Variants in MACROD2 observed in about 807,000 individuals in gnomAD.
MACROD2 encodes the protein mono-ADP ribosylhydrolase 2, also known as ADP-ribose glycohydrolase MACROD2.
In MACROD2, 36 loss-of-function variants were observed where a neutral mutation model predicts 70.4. That is an observed-to-expected ratio of 0.51 (90% CI 0.39 to 0.68). The LOEUF (loss-of-function observed/expected upper bound fraction) is 0.68, where lower values mean the gene tolerates loss of function less well. Among genes scored for constraint, MACROD2 ranks in the 30% least tolerant of loss-of-function variants. The probability of loss-of-function intolerance (pLI) is 0.00; values close to 1 mark genes in which losing one functional copy is unlikely to be tolerated. For missense variants in MACROD2, 496 were observed against 538.4 expected, an observed-to-expected ratio of 0.92 and a Z score of 0.78; for synonymous variants, 172 against 178.8, an observed-to-expected ratio of 0.96 and a Z score of 0.30.
chr20:14,716,958 T>G (rs769990241), intron 5 of MACROD2, among the ~76,000 whole-genome samples: 1 of 152,200 alleles, frequency 6.6e-6, no homozygotes, highest in African/African-American at 2.4e-5. Context: ...CAATATGTCC[T>G]TAAATTATGT....
intron 3 of MACROD2, among the ~76,000 whole-genome samples, chr20:14,391,335 C>T (rs1448448518): frequency 6.6e-6 from 1 of 152,084 alleles, no homozygotes; most frequent in African/African-American, 2.4e-5. Context: ...ATGGATGGAG[C>T]CGGAGGCCAT....
intron 3 of MACROD2, among the ~76,000 whole-genome samples, chr20:14,203,769 G>T (rs2081499928): frequency 6.6e-6 from 1 of 152,182 alleles, no homozygotes; most frequent in South Asian, 2.1e-4. Context: ...GGCACCCATG[G>T]TGGCAGTCTG....
intron 8 of MACROD2, among the ~76,000 whole-genome samples, chr20:15,593,755 TC>T (rs1197695415): frequency 1.3e-5 from 2 of 152,220 alleles, no homozygotes; most frequent in African/African-American, 4.8e-5. Context: ...TTCATTTTTT[TC>T]TGAGAGCAGA....
chr20:15,453,800 C>T (rs759996134), intron 7 of MACROD2, among the ~76,000 whole-genome samples: 2 of 152,152 alleles, frequency 1.3e-5, no homozygotes, highest in Non-Finnish European at 2.9e-5. Flanking sequence ...CCAAAGCCTA[C>T]CCAGCAAGTG....
chr20:14,918,773 C>T (rs1321668170), intron 5 of MACROD2, among the ~76,000 whole-genome samples: 1 of 152,106 alleles, frequency 6.6e-6, no homozygotes, highest in Non-Finnish European at 1.5e-5. Context: ...AGATTTAGAT[C>T]ATGTTTCCAA....
chr20:15,841,253 T>C (rs1355918454), intron 8 of MACROD2, among the ~76,000 whole-genome samples: 1 of 152,120 alleles, frequency 6.6e-6, no homozygotes, highest in Non-Finnish European at 1.5e-5. Flanking sequence ...TACAAGCGTA[T>C]TTTATTACAT....
intron 8 of MACROD2, among the ~76,000 whole-genome samples, chr20:15,658,518 G>A (rs980386753): frequency 3.9e-5 from 6 of 152,078 alleles, no homozygotes; most frequent in African/African-American, 1.4e-4. Flanking sequence ...TATGATTGGC[G>A]GTAAGAGAGA....
At chr20:14,143,839 C>G (rs983023791) in intron 3 of MACROD2, among the ~76,000 whole-genome samples, 1 of 152,094 alleles carries the variant, frequency 6.6e-6, no homozygotes, top group Non-Finnish European at 1.5e-5. Flanking sequence ...GATAATTAGA[C>G]AAGACTTATG....
chr20:15,651,235 C>A (rs984178126), intron 8 of MACROD2, among the ~76,000 whole-genome samples: 1 of 152,164 alleles, frequency 6.6e-6, no homozygotes, highest in Non-Finnish European at 1.5e-5. Flanking sequence ...AACACAAATC[C>A]AATTTAATTC....
At chr20:15,847,876 T>C (rs2064251397) in intron 8 of MACROD2, among the ~76,000 whole-genome samples, 1 of 132,212 alleles carries the variant, frequency 7.6e-6, no homozygotes, top group Non-Finnish European at 1.8e-5. Flanking sequence ...ATTGTTTTAA[T>C]TGTTCATTTT....
chr20:15,414,896 A>C (rs1169870570), intron 6 of MACROD2, among the ~76,000 whole-genome samples: 1 of 152,208 alleles, frequency 6.6e-6, no homozygotes, highest in Non-Finnish European at 1.5e-5. Context: ...AGAGAAACGG[A>C]ATCAGAATTT....
At chr20:15,116,897 G>T (rs150316056) in intron 5 of MACROD2, among the ~76,000 whole-genome samples, 53 of 152,276 alleles carry the variant, frequency 3.5e-4, no homozygotes, top group African/African-American at 1.1e-3. Flanking sequence ...CCCCTGTGTT[G>T]TTCAAGGGTC....
At chr20:14,743,638 T>C (rs1286121822) in intron 5 of MACROD2, among the ~76,000 whole-genome samples, 1 of 152,180 alleles carries the variant, frequency 6.6e-6, no homozygotes, top group African/African-American at 2.4e-5. Flanking sequence ...TTGTGTAGTT[T>C]AAGCCACTAA....
intron 8 of MACROD2, among the ~76,000 whole-genome samples, chr20:15,765,039 C>G (rs2051500094): frequency 6.6e-6 from 1 of 152,066 alleles, no homozygotes; most frequent in Admixed American, 6.6e-5. Context: ...TCTTTGCTGC[C>G]TTGCTCTCTC....
At chr20:15,130,631 G>A (rs1266773533) in intron 5 of MACROD2, among the ~76,000 whole-genome samples, 1 of 151,988 alleles carries the variant, frequency 6.6e-6, no homozygotes, top group Non-Finnish European at 1.5e-5. Flanking sequence ...ACCAAAAACA[G>A]TCAAAGCTAA....
chr20:15,610,991 C>T (rs78464266), intron 8 of MACROD2, among the ~76,000 whole-genome samples: 182 of 59,938 alleles, frequency 3.0e-3, no homozygotes, highest in African/African-American at 3.3e-3. Context: ...AGCCAAAAAT[C>T]TTTTTTTTTT....
intron 6 of MACROD2, among the ~76,000 whole-genome samples, chr20:15,235,126 C>G (rs2077002444): frequency 6.6e-6 from 1 of 151,876 alleles, no homozygotes; most frequent in African/African-American, 2.4e-5. Flanking sequence ...TACAATGCAC[C>G]CTGTCTGACA....
At chr20:15,780,874 T>C (rs1467493878) in intron 8 of MACROD2, among the ~76,000 whole-genome samples, 1 of 152,078 alleles carries the variant, frequency 6.6e-6, no homozygotes, top group Non-Finnish European at 1.5e-5. Context: ...GTTTCTGCTC[T>C]GAGTGTGTGG....
chr20:15,692,650 C>A (rs931934659), intron 8 of MACROD2, among the ~76,000 whole-genome samples: 1 of 152,118 alleles, frequency 6.6e-6, no homozygotes, highest in African/African-American at 2.4e-5. Context: ...ACCCACTTGG[C>A]TCCTGTTGAT....
Sources: gnomAD v4.1 joint callset for allele counts (sites outside exome capture counted in the v4.1 genomes callset) on GRCh38, gnomAD v4.1.1 for gene constraint, MANE v1.5 for transcripts, NCBI Gene and HGNC (gene_info 2026-07-23, HGNC 2026-07-21) for gene names.